The following RPS6KC1 variants were observed in gnomAD, a reference collection of about 807,000 sequenced individuals.
RPS6KC1 encodes inactive ribosomal protein S6 kinase delta-1.
In RPS6KC1, 54 loss-of-function variants were observed where a neutral mutation model predicts 103.8. That is an observed-to-expected ratio of 0.52 (90% confidence interval 0.42 to 0.65). The LOEUF (loss-of-function observed/expected upper bound fraction) is 0.65, where lower values mean the gene tolerates loss of function less well. Ranked by LOEUF, RPS6KC1 falls within the 30% of genes least tolerant of loss-of-function variation. The pLI, the probability that RPS6KC1 is intolerant of heterozygous loss-of-function variation, is 0.00. For synonymous variants in RPS6KC1, 439 were observed against 438.7 expected (o/e 1.00, Z -0.01); for missense variants, 1,151 against 1,253.8 (o/e 0.92, Z 1.24).
the RPS6KC1 span, among the ~76,000 whole-genome samples, chr1:213,621,948 C>T: frequency 1.3e-5 from 2 of 152,152 alleles, no homozygotes; most frequent in Non-Finnish European, 2.9e-5. Flanking sequence ...GTGGAAAGGA[C>T]AGCCTGTTTG....
At chr1:213,729,485 T>A in the RPS6KC1 span, among the ~76,000 whole-genome samples, 1 of 152,190 alleles carries the variant, frequency 6.6e-6, no homozygotes, top group East Asian at 1.9e-4. Context: ...CAAAAATAGC[T>A]TCCTTGGGCT....
the RPS6KC1 span, among the ~76,000 whole-genome samples, chr1:213,541,527 A>C: frequency 6.6e-6 from 1 of 152,140 alleles, no homozygotes; most frequent in South Asian, 2.1e-4. Flanking sequence ...TAAAAATGTG[A>C]AGTCCAATAA....
At chr1:213,676,588 C>T in the RPS6KC1 span, among the ~76,000 whole-genome samples, 1 of 152,226 alleles carries the variant, frequency 6.6e-6, no homozygotes. Context: ...CCATTGGCTT[C>T]AGGTACCCTC....
the RPS6KC1 span, among the ~76,000 whole-genome samples, chr1:213,856,615 C>A: frequency 6.6e-6 from 1 of 152,106 alleles, no homozygotes; most frequent in African/African-American, 2.4e-5. Context: ...CTATAAACTA[C>A]GTTTTTTGCA....
chr1:213,334,615 A>C, the RPS6KC1 span, among the ~76,000 whole-genome samples: 1 of 152,184 alleles, frequency 6.6e-6, no homozygotes, highest in Non-Finnish European at 1.5e-5. Flanking sequence ...TGCACACTTT[A>C]TGAAAACATA....
At chr1:213,788,398 C>T in the RPS6KC1 span, among the ~76,000 whole-genome samples, 1 of 152,164 alleles carries the variant, frequency 6.6e-6, no homozygotes, top group East Asian at 1.9e-4. Context: ...ACTTAGATGA[C>T]TATCAAAGGC....
At chr1:213,339,956 G>A in the RPS6KC1 span, among the ~76,000 whole-genome samples, 3 of 152,174 alleles carry the variant, frequency 2.0e-5, no homozygotes, top group South Asian at 6.2e-4. Context: ...GCAATGGCGC[G>A]ATCTTGGCTC....
At chr1:213,302,893 C>A in the RPS6KC1 span, among the ~76,000 whole-genome samples, 984 of 152,266 alleles carry the variant, frequency 6.5e-3, 12 homozygotes, top group African/African-American at 0.022. Flanking sequence ...ATCCACGGGA[C>A]CTTTGATACT....
chr1:213,432,271 G>A, the RPS6KC1 span, among the ~76,000 whole-genome samples: 1 of 152,048 alleles, frequency 6.6e-6, no homozygotes, highest in Non-Finnish European at 1.5e-5. Flanking sequence ...CTATATTTTG[G>A]TGAGCTTTAA....
chr1:213,751,002 G>A, the RPS6KC1 span, among the ~76,000 whole-genome samples: 1 of 152,276 alleles, frequency 6.6e-6, no homozygotes, highest in Non-Finnish European at 1.5e-5. Context: ...AATCCAAACC[G>A]TTGAGCACTG....
intron 5 of RPS6KC1, among the ~76,000 whole-genome samples, chr1:213,123,486 C>T (rs2084631048): frequency 6.6e-6 from 1 of 152,050 alleles, no homozygotes; most frequent in South Asian, 2.1e-4. Context: ...ATAGACATGA[C>T]CCAAGAACGT....
At chr1:213,085,380 A>G (rs919992599) in intron 3 of RPS6KC1, among the ~76,000 whole-genome samples, 3 of 151,762 alleles carry the variant, frequency 2.0e-5, no homozygotes, top group African/African-American at 7.3e-5. Context: ...ATCTGCAAAG[A>G]CTCTCTAAAT....
At chr1:213,833,336 T>C in the RPS6KC1 span, among the ~76,000 whole-genome samples, 2,468 of 152,318 alleles carry the variant, frequency 0.016, 66 homozygotes, top group African/African-American at 0.057. Context: ...CAGGAGGTTA[T>C]ACGGTCTTCA....
At chr1:213,252,606 T>C (rs2149033004) in intron 12 of RPS6KC1, among the ~76,000 whole-genome samples, 1 of 152,340 alleles carries the variant, frequency 6.6e-6, no homozygotes, top group Admixed American at 6.5e-5. Context: ...GATCTTTTTT[T>C]GATCCTGAAA....
the RPS6KC1 span, among the ~76,000 whole-genome samples, chr1:213,495,506 G>C: frequency 6.6e-6 from 1 of 152,164 alleles, no homozygotes; most frequent in Non-Finnish European, 1.5e-5. Flanking sequence ...ATTTTTAGTA[G>C]AGACGGGGTT....
the RPS6KC1 span, among the ~76,000 whole-genome samples, chr1:213,510,652 G>A: frequency 3.8e-4 from 58 of 152,286 alleles, no homozygotes; most frequent in African/African-American, 1.3e-3. Context: ...TGCACTCACG[G>A]TCTCCAGTTC....
chr1:213,455,622 G>A, the RPS6KC1 span, among the ~76,000 whole-genome samples: 635 of 152,238 alleles, frequency 4.2e-3, 7 homozygotes, highest in Non-Finnish European at 4.1e-3. Context: ...GGTGAAGGAA[G>A]TCTTGGAATG....
chr1:213,624,593 T>C, the RPS6KC1 span, among the ~76,000 whole-genome samples: 1 of 152,192 alleles, frequency 6.6e-6, no homozygotes, highest in African/African-American at 2.4e-5. Flanking sequence ...GTCAGGGATG[T>C]CCAGGCTGGA....
At chr1:213,060,281 GGCAGT>G (rs2077714095) in intron 1 of RPS6KC1, among the ~76,000 whole-genome samples, 1 of 152,156 alleles carries the variant, frequency 6.6e-6, no homozygotes, top group Non-Finnish European at 1.5e-5. Context: ...CTGATATTAA[GGCAGT>G]GGGAGTTGTT....
Sources: allele counts gnomAD v4.1 joint callset (sites outside exome capture counted in the v4.1 genomes callset), GRCh38; gene constraint gnomAD v4.1.1; transcripts MANE v1.5; gene names NCBI Gene and HGNC (gene_info 2026-07-23, HGNC 2026-07-21).